DMXL1: variants seen among roughly 807,000 people sequenced by gnomAD.
The protein encoded by DMXL1 is dmX-like protein 1.
In DMXL1, 99 loss-of-function variants were observed where a neutral mutation model predicts 319.2. The observed-to-expected ratio is 0.31, with a 90% CI of 0.26 to 0.37. DMXL1 has a LOEUF of 0.37. Ranked by LOEUF, DMXL1 falls within the 10% of genes least tolerant of loss-of-function variation. The probability of loss-of-function intolerance (pLI) is 1.00; values close to 1 mark genes in which losing one functional copy is unlikely to be tolerated. For synonymous variants in DMXL1, 1,385 were observed against 1,235.2 expected, an observed-to-expected ratio of 1.12 and a Z score of -2.54; for missense variants, 3,745 against 3,595.6, an observed-to-expected ratio of 1.04 and a Z score of -1.06.
intron 8 of DMXL1, among the ~76,000 whole-genome samples, 170 bp from the exon 9 acceptor site, chr5:119,120,801 C>T (rs1012605293): frequency 1.3e-5 from 2 of 152,128 alleles, no homozygotes; most frequent in African/African-American, 4.8e-5. Context: ...TTTGCTATAC[C>T]AAAATATTGA....
chr5:119,101,881 GATTC>G, intron 2 of DMXL1, 50 bp from the exon 3 acceptor site: 1 of 1,205,432 alleles, frequency 8.3e-7, no homozygotes, highest in Non-Finnish European at 1.2e-6. Context: ...TGCTTTTTTT[GATTC>G]ATAAGTAAGT....
intron 19 of DMXL1, among the ~76,000 whole-genome samples, chr5:119,161,974 C>T (rs113776461): frequency 0.027 from 4,121 of 152,292 alleles, 67 homozygotes; most frequent in Non-Finnish European, 0.043. Flanking sequence ...TACGCAACAC[C>T]AGATGATCTA....
At chr5:119,172,129 G>C (rs940254851) in intron 25 of DMXL1, among the ~76,000 whole-genome samples, 160 bp downstream of exon 25, 2 of 151,958 alleles carry the variant, frequency 1.3e-5, no homozygotes, top group Non-Finnish European at 2.9e-5. Context: ...AAATCTTCTG[G>C]TTGTAGACTG....
At chr5:119,220,049 GA>G (rs1309701630) in intron 35 of DMXL1, among the ~76,000 whole-genome samples, 6 of 149,224 alleles carry the variant, frequency 4.0e-5, no homozygotes, top group African/African-American at 5.0e-5. Flanking sequence ...AGCTTTAGGA[GA>G]AAGTTTGTTT....
chr5:119,199,160 T>G (rs1409710403), intron 32 of DMXL1, among the ~76,000 whole-genome samples: 1 of 152,132 alleles, frequency 6.6e-6, no homozygotes, highest in African/African-American at 2.4e-5. Context: ...AGTGCTGGGA[T>G]TTTAGCTGTG....
intron 33 of DMXL1, among the ~76,000 whole-genome samples, chr5:119,205,338 A>G (rs1028428931): frequency 1.9e-4 from 29 of 152,194 alleles, no homozygotes; most frequent in Admixed American, 1.7e-3. Flanking sequence ...TAGTCAAGCC[A>G]GAGTACGTAA....
At chr5:119,221,227 T>C (rs1020325032) in intron 37 of DMXL1, 146 bp downstream of exon 37, 4 of 558,946 alleles carry the variant, frequency 7.2e-6, no homozygotes, top group Non-Finnish European at 1.2e-5. Context: ...ATTTTGATAA[T>C]GAAGACTAGT....
At chr5:119,165,762 C>A (rs866987490) in intron 21 of DMXL1, among the ~76,000 whole-genome samples, 9 of 152,212 alleles carry the variant, frequency 5.9e-5, no homozygotes, top group Admixed American at 1.3e-4. Context: ...GTAAAACCAA[C>A]AAGTCTCTTG....
intron 39 of DMXL1, among the ~76,000 whole-genome samples, chr5:119,235,567 C>T (rs1787595823): frequency 6.6e-6 from 1 of 152,042 alleles, no homozygotes; most frequent in Non-Finnish European, 1.5e-5. Context: ...ATAATAGATA[C>T]TTCCCCAAAG....
chr5:119,101,368 G>C (rs1757240805), intron 2 of DMXL1, among the ~76,000 whole-genome samples: 2 of 151,188 alleles, frequency 1.3e-5, no homozygotes, highest in Non-Finnish European at 2.9e-5. Flanking sequence ...CCAATATTTT[G>C]ATGTTCTTTA....
In DMXL1 at chr5:119,086,493, G is replaced by A. The variant is rs531417187; in HGVS notation, c.88-11486G>A. The stretch of plus-strand genomic sequence containing the variant: ...TGTATCTGTCTTCATGTGTGATATG[G>A]GCTTGTAGTTTTTTGTTGTTGTTGT... On this transcript the variant is annotated intron_variant, in intron 1 of 43. Transcript: ENST00000539542. 9.2e-5 allele frequency among the ~76,000 whole-genome samples: 14 copies of A among 152,244 alleles called. No individual in the cohort carries two copies. The South Asian group carries it at 2.9e-3, about 32-fold the overall frequency.
chr5:119,081,126 A>G (rs1752099030), intron 1 of DMXL1, among the ~76,000 whole-genome samples: 1 of 152,224 alleles, frequency 6.6e-6, no homozygotes, highest in Non-Finnish European at 1.5e-5. Flanking sequence ...TAGTAAATAC[A>G]TGAGGACAAA....
chr5:119,184,484 A>G (rs987369996), intron 28 of DMXL1, among the ~76,000 whole-genome samples: 2 of 152,188 alleles, frequency 1.3e-5, no homozygotes, highest in African/African-American at 4.8e-5. Flanking sequence ...TATTTTTTCC[A>G]TTATAGTTTT....
chr5:119,155,842 AAAC>A (rs1283235620), intron 19 of DMXL1, among the ~76,000 whole-genome samples: 1 of 151,782 alleles, frequency 6.6e-6, no homozygotes, highest in Admixed American at 6.6e-5. Context: ...AAAAAAAAAA[AAAC>A]AAAACTTCAG....
At chr5:119,145,429 T>G (rs190686578) in intron 15 of DMXL1, among the ~76,000 whole-genome samples, 83 of 151,974 alleles carry the variant, frequency 5.5e-4, no homozygotes, top group Admixed American at 1.0e-3. Context: ...GTTAATGAGC[T>G]GTGCAAATAC....
intron 17 of DMXL1, among the ~76,000 whole-genome samples, 167 bp from the exon 18 acceptor site, chr5:119,148,567 TAAATA>T (rs951319046): frequency 6.6e-6 from 1 of 152,144 alleles, no homozygotes; most frequent in Non-Finnish European, 1.5e-5. Context: ...CTTTTTAACT[TAAATA>T]AATATAGGCT....
intron 1 of DMXL1, among the ~76,000 whole-genome samples, chr5:119,089,431 G>A (rs570525359): frequency 7.1e-6 from 1 of 140,832 alleles, no homozygotes; most frequent in African/African-American, 2.6e-5. Flanking sequence ...TCAGCCTCCC[G>A]AGTAGCTGGA....
At chr5:119,091,002 A>G (rs1197344037) in intron 1 of DMXL1, among the ~76,000 whole-genome samples, 2 of 151,932 alleles carry the variant, frequency 1.3e-5, no homozygotes, top group Admixed American at 1.3e-4. Flanking sequence ...TTTCTGTTTG[A>G]TTTTTTAAAA....
At chr5:119,142,467 C>A (rs1300392000) in intron 13 of DMXL1, among the ~76,000 whole-genome samples, 1 of 149,546 alleles carries the variant, frequency 6.7e-6, no homozygotes, top group African/African-American at 2.5e-5. Context: ...CAGATAAAAA[C>A]CGCAATGTGG....
Sources: allele counts gnomAD v4.1 joint callset (sites outside exome capture counted in the v4.1 genomes callset), GRCh38; gene constraint gnomAD v4.1.1; transcripts MANE v1.5; gene names NCBI Gene and HGNC (gene_info 2026-07-23, HGNC 2026-07-21).